NEGR1: variants seen among roughly 807,000 people sequenced by gnomAD.
NEGR1 encodes the protein IgLON family member 4.
NEGR1 carries 10 observed loss-of-function variants against 40.9 expected under a neutral mutation model. That is an observed-to-expected ratio of 0.24 (90% CI 0.15 to 0.42). NEGR1 has a LOEUF of 0.42. Ranked by LOEUF, NEGR1 falls within the 10% of genes least tolerant of loss-of-function variation. The pLI is 1.00. For synonymous variants in NEGR1, 185 were observed against 166.8 expected (o/e 1.11, Z -0.84); for missense variants, 352 against 438.9 (o/e 0.80, Z 1.77).
At chr1:71,843,933 A>G (rs11209855) in intron 2 of NEGR1, among the ~76,000 whole-genome samples, 43,117 of 151,904 alleles carry the variant, frequency 0.28, 6,496 homozygotes, top group East Asian at 0.55. Flanking sequence ...CATGCTAGGG[A>G]TATGAAATAT....
intron 1 of NEGR1, among the ~76,000 whole-genome samples, chr1:72,145,070 T>C (rs1435251763): frequency 3.3e-5 from 5 of 152,046 alleles, no homozygotes; most frequent in Admixed American, 2.0e-4. Context: ...ACATCTGAAG[T>C]ATTTCCTTAA....
At chr1:71,878,211 T>G (rs1371919669) in intron 2 of NEGR1, among the ~76,000 whole-genome samples, 2 of 152,178 alleles carry the variant, frequency 1.3e-5, no homozygotes, top group Admixed American at 1.3e-4. Context: ...TTTTTGCAAG[T>G]TTTATTACAA....
intron 1 of NEGR1, among the ~76,000 whole-genome samples, chr1:72,267,538 T>C (rs1272607201): frequency 6.6e-6 from 1 of 151,274 alleles, no homozygotes; most frequent in East Asian, 1.9e-4. Context: ...AAGATAATTT[T>C]TGAATGCCAC....
chr1:72,178,658 C>T (rs534532933), intron 1 of NEGR1, among the ~76,000 whole-genome samples: 51 of 151,402 alleles, frequency 3.4e-4, no homozygotes, highest in African/African-American at 1.0e-3. Context: ...AGTGTATAAG[C>T]GTTCCCTTTT....
intron 1 of NEGR1, among the ~76,000 whole-genome samples, chr1:71,984,907 C>T (rs959397892): frequency 3.3e-5 from 5 of 151,900 alleles, no homozygotes; most frequent in South Asian, 2.1e-4. Context: ...TATAATGAAC[C>T]GAGCATAATT....
chr1:71,798,897 T>C (rs1657440880), intron 2 of NEGR1, among the ~76,000 whole-genome samples: 2 of 152,102 alleles, frequency 1.3e-5, no homozygotes, highest in Non-Finnish European at 1.5e-5. Context: ...AAGACTGGGG[T>C]GTAAACAGTT....
At chr1:71,881,580 G>A (rs953382842) in intron 2 of NEGR1, among the ~76,000 whole-genome samples, 1 of 151,962 alleles carries the variant, frequency 6.6e-6, no homozygotes, top group Non-Finnish European at 1.5e-5. Flanking sequence ...TTTAAATAAA[G>A]ATTCTGCAAG....
chr1:71,956,854 A>G (rs543032861), intron 1 of NEGR1, among the ~76,000 whole-genome samples: 13 of 152,126 alleles, frequency 8.5e-5, no homozygotes, highest in Non-Finnish European at 1.6e-4. Flanking sequence ...TATTCCAGAC[A>G]TAGTGTCTGT....
chr1:71,712,583 A>G (rs1263713490), intron 3 of NEGR1, among the ~76,000 whole-genome samples: 2 of 152,208 alleles, frequency 1.3e-5, no homozygotes, highest in African/African-American at 4.8e-5. Context: ...AATTCTTATC[A>G]TAAGTTCAAG....
chr1:72,190,880 T>C (rs1652796533), intron 1 of NEGR1, among the ~76,000 whole-genome samples: 2 of 151,662 alleles, frequency 1.3e-5, no homozygotes, highest in Non-Finnish European at 1.5e-5. Context: ...ATATATACTA[T>C]GTAATGTTGA....
intron 3 of NEGR1, among the ~76,000 whole-genome samples, chr1:71,711,900 T>G (rs1233031183): frequency 2.0e-5 from 3 of 152,198 alleles, no homozygotes; most frequent in Admixed American, 6.5e-5. Flanking sequence ...TTTAAACACA[T>G]GCACAAAATA....
chr1:71,458,606 G>A (rs1301108572), intron 6 of NEGR1, among the ~76,000 whole-genome samples: 1 of 152,128 alleles, frequency 6.6e-6, no homozygotes, highest in African/African-American at 2.4e-5. Flanking sequence ...CATCTTGGAG[G>A]TTGGGATTCC....
intron 1 of NEGR1, among the ~76,000 whole-genome samples, chr1:72,187,521 G>C (rs1329737190): frequency 6.6e-6 from 1 of 151,002 alleles, no homozygotes; most frequent in African/African-American, 2.4e-5. Context: ...TGTTTTCCTG[G>C]GCTCAGCCTA....
chr1:72,162,671 T>C (rs1651615699), intron 1 of NEGR1, among the ~76,000 whole-genome samples: 2 of 152,192 alleles, frequency 1.3e-5, no homozygotes, highest in East Asian at 1.9e-4. Flanking sequence ...AAATTGGTTA[T>C]TGAAAATACA....
intron 1 of NEGR1, among the ~76,000 whole-genome samples, chr1:72,021,156 T>C (rs554527777): frequency 3.9e-5 from 6 of 152,208 alleles, no homozygotes; most frequent in African/African-American, 1.4e-4. Context: ...TGCTTGGAAA[T>C]TTAATAACAT....
At chr1:72,033,484 C>A (rs1218246854) in intron 1 of NEGR1, among the ~76,000 whole-genome samples, 1 of 152,098 alleles carries the variant, frequency 6.6e-6, no homozygotes, top group African/African-American at 2.4e-5. Flanking sequence ...TATGTATTTC[C>A]ATAAACGATG....
chr1:71,432,526 C>G (rs1431914772), intron 6 of NEGR1, among the ~76,000 whole-genome samples: 3 of 152,046 alleles, frequency 2.0e-5, no homozygotes, highest in Non-Finnish European at 4.4e-5. Flanking sequence ...TTTCGCTTAT[C>G]TATGTAAAGA....
At chr1:72,185,717 C>G (rs1375944789) in intron 1 of NEGR1, among the ~76,000 whole-genome samples, 1 of 151,834 alleles carries the variant, frequency 6.6e-6, no homozygotes, top group Non-Finnish European at 1.5e-5. Flanking sequence ...AGTTGAAAAG[C>G]AGTGTCTTGT....
intron 2 of NEGR1, among the ~76,000 whole-genome samples, chr1:71,815,411 C>G (rs1007982148): frequency 1.3e-5 from 2 of 151,880 alleles, no homozygotes; most frequent in African/African-American, 2.4e-5. Flanking sequence ...TTCTGTAGAT[C>G]TGTATCAGGT....
Sources: allele counts gnomAD v4.1 joint callset (sites outside exome capture counted in the v4.1 genomes callset), GRCh38; gene constraint gnomAD v4.1.1; transcripts MANE v1.5; gene names NCBI Gene and HGNC (gene_info 2026-07-23, HGNC 2026-07-21).